ARPC1A: variants seen among roughly 807,000 people sequenced by gnomAD.
The protein encoded by ARPC1A is actin related protein 2/3 complex subunit 1A.
Under a neutral mutation model 46.9 loss-of-function variants are expected in ARPC1A, and 8 were observed. The ratio of observed to expected loss-of-function variants is 0.17; its 90% CI spans 0.10 to 0.31. ARPC1A has a LOEUF of 0.31. Among genes scored for constraint, ARPC1A ranks in the 10% least tolerant of loss-of-function variants. The pLI, the probability that ARPC1A is intolerant of heterozygous loss-of-function variation, is 1.00. For synonymous variants in ARPC1A, 152 were observed against 169.0 expected, an observed-to-expected ratio of 0.90 and a Z score of 0.78; for missense variants, 286 against 483.6, an observed-to-expected ratio of 0.59 and a Z score of 3.83.
At chr7:99,340,485 C>T (rs1793339633) in intron 3 of ARPC1A, among the ~76,000 whole-genome samples, 1 of 151,958 alleles carries the variant, frequency 6.6e-6, no homozygotes, top group African/African-American at 2.4e-5. Flanking sequence ...GGCTCTGTTG[C>T]CCAGTCACCC....
At chr7:99,354,414 C>T (rs1267714595) in intron 6 of ARPC1A, among the ~76,000 whole-genome samples, 2 of 147,414 alleles carry the variant, frequency 1.4e-5, no homozygotes, top group Non-Finnish European at 1.5e-5. Flanking sequence ...CCCAGCTACT[C>T]GGAAGGCTGA....
intron 7 of ARPC1A, 61 bp from the exon 8 acceptor site, chr7:99,359,484 C>T: frequency 6.6e-7 from 1 of 1,506,216 alleles, no homozygotes; most frequent in Non-Finnish European, 9.2e-7. Context: ...GGTGAACACT[C>T]TGCCAAGGAG....
chr7:99,338,137 A>G (rs1562797300), intron 2 of ARPC1A, 44 bp from the exon 3 acceptor site: 4 of 1,444,938 alleles, frequency 2.8e-6, no homozygotes, highest in South Asian at 1.2e-5. Context: ...TTTGGTGACA[A>G]TTGCAAGTTC....
intron 3 of ARPC1A, 77 bp from the exon 4 acceptor site, chr7:99,344,216 C>T: frequency 7.2e-7 from 1 of 1,386,016 alleles, no homozygotes; most frequent in Non-Finnish European, 1.0e-6. Flanking sequence ...CCTGGCATGC[C>T]AGTGCCACCC....
At chr7:99,361,820 C>T (rs938584494) in intron 8 of ARPC1A, among the ~76,000 whole-genome samples, 1 of 152,204 alleles carries the variant, frequency 6.6e-6, no homozygotes, top group Non-Finnish European at 1.5e-5. Context: ...CTCCTAGAGG[C>T]CATAGGTCTC....
At chr7:99,356,261 A>C (rs1237449427) in intron 6 of ARPC1A, among the ~76,000 whole-genome samples, 2 of 152,182 alleles carry the variant, frequency 1.3e-5, no homozygotes, top group Non-Finnish European at 2.9e-5. Context: ...TGTTTTTCCT[A>C]ACAGGATTAA....
At chr7:99,329,267 C>T (rs916155949) in intron 1 of ARPC1A, among the ~76,000 whole-genome samples, 2 of 150,514 alleles carry the variant, frequency 1.3e-5, no homozygotes, top group African/African-American at 4.9e-5. Context: ...TGCCACTGTA[C>T]TCCAGCCTGG....
At position 99,351,380 on chromosome 7, in the gene ARPC1A, A is replaced by AT. The variant is rs1182082808; in HGVS notation, c.500+2432dup. Among the ~76,000 whole-genome samples, 269 of 147,098 alleles carry AT rather than the reference A, an allele frequency of 1.8e-3. 1 individual carries two copies. Among genetic ancestry groups the AT allele is most frequent in the African/African-American group, 4.6e-3 (184 of 40,356 alleles). On this transcript the variant is annotated intron_variant, in intron 5 of 9. Transcript: ENST00000262942. ...AGGCGTACACCACCATGCCTGGCTA[A>AT]TTTTTTTTTTTGTATTTTAGTAGAG...
At chr7:99,347,714 A>AAAAT (rs928329558) in intron 4 of ARPC1A, among the ~76,000 whole-genome samples, 7 of 151,990 alleles carry the variant, frequency 4.6e-5, no homozygotes, top group Non-Finnish European at 5.9e-5. Flanking sequence ...AAAAAAATAA[A>AAAAT]AAATAAATAA....
Position 99,358,323 on chromosome 7 carries a change from C to G in ARPC1A, c.714-17C>G, listed in dbSNP as rs773989985. ...TAGTCTGTTGCATCTTGGGATAACA[C>G]ATGTTCTTGTGTTCAGGGTCTCGAC... On this transcript the variant is annotated splice_polypyrimidine_tract_variant and intron_variant, in intron 6 of 9. Transcript: ENST00000262942. The G allele has an allele frequency of 6.8e-6, 11 of 1,612,586 alleles. No homozygotes were observed. The highest frequency in any genetic ancestry group is 9.3e-6 in the Non-Finnish European group (11 of 1,178,786).
chr7:99,332,604 A>ATT (rs57321957), intron 1 of ARPC1A, among the ~76,000 whole-genome samples: 21 of 141,888 alleles, frequency 1.5e-4, no homozygotes, highest in Non-Finnish European at 2.2e-4. Context: ...AATGAGATAG[A>ATT]TTTTTTTTTT....
At chr7:99,364,970 C>CCAA (rs1009670712) in intron 9 of ARPC1A, among the ~76,000 whole-genome samples, 2 of 152,042 alleles carry the variant, frequency 1.3e-5, no homozygotes, top group African/African-American at 4.8e-5. Context: ...ACAGGTTGCA[C>CCAA]CTGAGCGGCA....
At chr7:99,350,996 A>G (rs956543566) in intron 5 of ARPC1A, among the ~76,000 whole-genome samples, 4 of 151,746 alleles carry the variant, frequency 2.6e-5, no homozygotes, top group Non-Finnish European at 5.9e-5. Flanking sequence ...AAACCAGGCT[A>G]GTGGTTTATA....
chr7:99,337,102 A>G (rs1206097358), intron 2 of ARPC1A, among the ~76,000 whole-genome samples: 1 of 152,150 alleles, frequency 6.6e-6, no homozygotes, highest in Non-Finnish European at 1.5e-5. Flanking sequence ...GGATATTTGC[A>G]TAATATATAC....
chr7:99,342,974 G>A lies in ARPC1A; in HGVS notation c.170-1319G>A, dbSNP rs139602440. On this transcript the variant is annotated intron_variant, in intron 3 of 9. Transcript: ENST00000262942. ...CCTAACCTCGTGATCCGCCTGCCTC[G>A]GCCTCCCAAAGAGCCACCGCGCCCG... Among the ~76,000 whole-genome samples, 1,140 of 151,774 alleles carry A rather than the reference G, an allele frequency of 7.5e-3. 15 individuals are homozygous for A. Among genetic ancestry groups the A allele is most frequent in the African/African-American group, 0.027 (1,103 of 41,392 alleles).
intron 6 of ARPC1A, 84 bp downstream of exon 6, chr7:99,354,205 T>G: frequency 6.9e-7 from 1 of 1,451,116 alleles, no homozygotes; most frequent in African/African-American, 1.4e-5. Flanking sequence ...CTTCCTGGGG[T>G]GTTAGCACAG....
At chr7:99,349,036 T>C (rs1793507750) in intron 5 of ARPC1A, 77 bp downstream of exon 5, 2 of 1,398,244 alleles carry the variant, frequency 1.4e-6, no homozygotes, top group Non-Finnish European at 2.0e-6. Flanking sequence ...GTTCTCTTTC[T>C]TTGTTTTTTG....
At chr7:99,351,132 A>T (rs989057560) in intron 5 of ARPC1A, among the ~76,000 whole-genome samples, 14 of 152,136 alleles carry the variant, frequency 9.2e-5, no homozygotes, top group African/African-American at 2.9e-4. Context: ...GTGATTTCTT[A>T]ACCAGAGTCA....
At chr7:99,335,712 T>C (rs1343321083) in intron 2 of ARPC1A, among the ~76,000 whole-genome samples, 1 of 152,146 alleles carries the variant, frequency 6.6e-6, no homozygotes, top group Non-Finnish European at 1.5e-5. Flanking sequence ...CCCAGCACTT[T>C]GGGAGGCCAA....
Sources: gnomAD v4.1 joint callset for allele counts (sites outside exome capture counted in the v4.1 genomes callset) on GRCh38, gnomAD v4.1.1 for gene constraint, MANE v1.5 for transcripts, NCBI Gene and HGNC (gene_info 2026-07-23, HGNC 2026-07-21) for gene names.